The following RP1 variants were observed in gnomAD, a reference collection of about 807,000 sequenced individuals.
The protein encoded by RP1 is RP1 axonemal microtubule associated, also known as oxygen-regulated protein 1.
RP1 carries 16 observed loss-of-function variants against 14.8 expected under a neutral mutation model. The ratio of observed to expected loss-of-function variants is 1.08; its 90% CI spans 0.73 to 1.65. The LOEUF is 1.65. Ranked by LOEUF, RP1 falls within the 40% of genes most tolerant of loss-of-function variation. The pLI is 0.00. For synonymous variants in RP1, 876 were observed against 883.6 expected, an observed-to-expected ratio of 0.99 and a Z score of 0.15; for missense variants, 2,631 against 2,535.0, an observed-to-expected ratio of 1.04 and a Z score of -0.81.
intron 23 of RP1, among the ~76,000 whole-genome samples, chr8:54,778,321 CTT>C (rs35643905): frequency 3.4e-3 from 328 of 96,746 alleles, no homozygotes; most frequent in South Asian, 0.016. Context: ...GCTTCTTCTT[CTT>C]TTTTTTTTTT....
rs772662288 is a variant in RP1 at position 54,621,603 on chromosome 8, C to T, written c.615+22C>T. The T allele has an allele frequency of 5.6e-6, 9 of 1,613,696 alleles. No individual in the cohort carries two copies. The Admixed American group carries it at 1.3e-4, about 24-fold the overall frequency. ...GAGGGTGAGCGTTCTGGGGGCTCCTCGAGCCTGAGCTCATTTTGAGCACCC... is the reference window on the plus strand; with the variant it reads ...GAGGGTGAGCGTTCTGGGGGCTCCTTGAGCCTGAGCTCATTTTGAGCACCC... On this transcript the variant is annotated intron_variant, in intron 2 of 3. Coordinates refer to ENST00000220676, the MANE Select transcript of RP1 (RefSeq NM_006269.2).
At chr8:54,638,452 AAC>A (rs1554520506) in intron 3 of RP1, among the ~76,000 whole-genome samples, 8 of 151,608 alleles carry the variant, frequency 5.3e-5, no homozygotes, top group Admixed American at 1.3e-4. Context: ...AAAAAAAAAA[AAC>A]ATACCGTTAT....
intron 24 of RP1, among the ~76,000 whole-genome samples, chr8:54,836,500 G>A (rs547699330): frequency 6.6e-6 from 1 of 152,298 alleles, no homozygotes; most frequent in East Asian, 1.9e-4. Flanking sequence ...CCCAATGGTA[G>A]CAGAAATTCC....
At chr8:54,622,350 A>G in intron 3 of RP1, 62 bp downstream of exon 3, 1 of 1,469,030 alleles carries the variant, frequency 6.8e-7, no homozygotes. Flanking sequence ...TGCCTCAAGG[A>G]CGGCAAAATC....
At chr8:54,608,183 C>CTTT (rs772485466) in intron 1 of RP1, among the ~76,000 whole-genome samples, 3 of 136,884 alleles carry the variant, frequency 2.2e-5, no homozygotes, top group African/African-American at 5.5e-5. Flanking sequence ...GGCCATCTGC[C>CTTT]TTTTTTTTTT....
chr8:54,864,854 T>C (rs554199716), intron 27 of RP1, among the ~76,000 whole-genome samples: 3 of 152,294 alleles, frequency 2.0e-5, no homozygotes, highest in Non-Finnish European at 2.9e-5. Flanking sequence ...ATCATCCACA[T>C]GAATTTTATT....
In RP1 at chr8:54,595,323, G is replaced by T. The variant is rs540443488; in HGVS notation, c.-12-25632G>T. Among the ~76,000 whole-genome samples the T allele has an allele frequency of 2.6e-5, 4 of 152,174 alleles. No homozygotes were observed. The South Asian group carries it at 8.3e-4, about 32-fold the overall frequency. On this transcript the variant is annotated intron_variant, in intron 1 of 22. Transcript: ENST00000636932. The stretch of plus-strand genomic sequence containing the variant: ...TTTTTGTATTTTTAGTAGAGACAGG[G>T]TTTCACTCTGTTAGCCAGGATGGTC...
At chr8:54,674,223 C>A (rs1276776819) in intron 8 of RP1, among the ~76,000 whole-genome samples, 3 of 152,178 alleles carry the variant, frequency 2.0e-5, no homozygotes, top group African/African-American at 7.2e-5. Context: ...CATGTGATGG[C>A]ATTCCAGCAT....
chr8:54,852,607 C>A, exon 26 of RP1: 1 of 1,231,878 alleles, frequency 8.1e-7, no homozygotes, highest in East Asian at 3.2e-5. Context: ...TACACAGGCA[C>A]AATGACAGGT....
At chr8:54,850,770 G>T (rs1001719371) in intron 25 of RP1, among the ~76,000 whole-genome samples, 3 of 152,100 alleles carry the variant, frequency 2.0e-5, no homozygotes, top group Non-Finnish European at 4.4e-5. Flanking sequence ...CATTAAAAAA[G>T]AATTTACATG....
At chr8:54,729,646 A>T (rs1432245288) in intron 17 of RP1, among the ~76,000 whole-genome samples, 6 of 152,150 alleles carry the variant, frequency 3.9e-5, no homozygotes, top group Admixed American at 3.9e-4. Flanking sequence ...ATATGTATGT[A>T]TATACACTTG....
intron 3 of RP1, among the ~76,000 whole-genome samples, chr8:54,648,225 C>T (rs1479931756): frequency 1.3e-5 from 2 of 152,106 alleles, no homozygotes; most frequent in Non-Finnish European, 2.9e-5. Context: ...CAGGTAGTAG[C>T]TTTATAGCAA....
At chr8:54,839,542 A>T (rs550643920) in intron 25 of RP1, among the ~76,000 whole-genome samples, 10 of 152,232 alleles carry the variant, frequency 6.6e-5, no homozygotes, top group Admixed American at 1.3e-4. Flanking sequence ...GCCCCTCATC[A>T]GTTCCTTCTT....
intron 25 of RP1, chr8:54,837,699 T>C (rs866983744): frequency 8.7e-6 from 10 of 1,148,870 alleles, no homozygotes; most frequent in African/African-American, 8.0e-5. Flanking sequence ...TTGTGATGTG[T>C]ATTGAAAATT....
intron 23 of RP1, among the ~76,000 whole-genome samples, chr8:54,782,238 C>G (rs566220718): frequency 3.3e-5 from 5 of 152,116 alleles, no homozygotes; most frequent in African/African-American, 9.7e-5. Flanking sequence ...TAGCAGTGCA[C>G]CCTTTTGAGT....
At position 54,627,382 on chromosome 8, in the gene RP1, T is replaced by C; in HGVS notation, c.3500T>C (p.Leu1167Pro). 6.2e-7 allele frequency: 1 copy of C among 1,614,192 alleles called. No homozygotes were observed. Among genetic ancestry groups the C allele is most frequent in the Non-Finnish European group, 8.5e-7 (1 of 1,179,978 alleles). ...GAAACACTTGCATTGTTGGAGATTC[T>C]AAAGCACATAGCTATCACAGAGGAA... ...SSETLALLEILKHIAITEEAD... is the reference protein window; with the variant it reads ...SSETLALLEIPKHIAITEEAD... Residue 1167 changes from leucine (L) to proline (P), a missense_variant, in exon 4 of 4, where the codon CTA (leucine) becomes CCA (proline). Leu to Pro is a moderately conservative substitution (Grantham distance 98). Transcript: ENST00000220676.
intron 27 of RP1, among the ~76,000 whole-genome samples, chr8:54,862,853 T>C (rs530826646): frequency 5.3e-5 from 8 of 152,208 alleles, no homozygotes; most frequent in South Asian, 4.1e-4. Context: ...GCCTCTCGCA[T>C]TGCAGAAATG....
At chr8:54,649,138 A>G in exon 4 of RP1, 1 of 1,493,004 alleles carries the variant, frequency 6.7e-7, no homozygotes, top group Non-Finnish European at 8.8e-7. Flanking sequence ...GGCCATGAAG[A>G]CATATTTACT....
intron 1 of RP1, among the ~76,000 whole-genome samples, chr8:54,600,856 T>C (rs189831834): frequency 8.5e-5 from 13 of 152,334 alleles, no homozygotes; most frequent in South Asian, 2.1e-4. Flanking sequence ...CACTGGCTTC[T>C]CTAGCACCTA....
Sources: gnomAD v4.1 joint callset for allele counts (sites outside exome capture counted in the v4.1 genomes callset) on GRCh38, gnomAD v4.1.1 for gene constraint, MANE v1.5 for transcripts, NCBI Gene and HGNC (gene_info 2026-07-23, HGNC 2026-07-21) for gene names.